The following CDK19 variants were observed in gnomAD, a reference collection of about 807,000 sequenced individuals.
CDK19 encodes the protein cyclin dependent kinase 19.
Under a neutral mutation model 68.3 loss-of-function variants are expected in CDK19, and 20 were observed. That is an observed-to-expected ratio of 0.29 (90% confidence interval 0.21 to 0.43). The LOEUF is 0.43. Among genes scored for constraint, CDK19 ranks in the 20% least tolerant of loss-of-function variants. The pLI is 1.00. For missense variants in CDK19, 339 were observed against 623.5 expected (o/e 0.54, Z 4.86); for synonymous variants, 221 against 222.8 (o/e 0.99, Z 0.07).
chr6:110,659,463 A>C (rs1365280374), intron 4 of CDK19, among the ~76,000 whole-genome samples: 1 of 152,240 alleles, frequency 6.6e-6, no homozygotes, highest in Admixed American at 6.5e-5. Flanking sequence ...GCTAGCTGTT[A>C]CAATTCAGCA....
intron 12 of CDK19, among the ~76,000 whole-genome samples, chr6:110,615,337 T>G (rs886250436): frequency 6.6e-6 from 1 of 152,182 alleles, no homozygotes; most frequent in Admixed American, 6.5e-5. Context: ...AATGAAACCT[T>G]CATCTTCATA....
rs772621624 is a variant in CDK19, at chr6:110,746,180, T to G, written c.150A>C (p.Ala50=). The part of the protein sequence containing the change: ...RKDGKDEKEY[A]LKQIEGTGIS... The stretch of plus-strand genomic sequence containing the variant: ...TTCCTGTGCCTTCAATTTGCTTCAA[T>G]GCATATTCCTTTTCATCTTTTCTGC... Residue 50 remains alanine (A), a synonymous_variant, in exon 2 of 13, where the codon GCA becomes GCC. Coordinates refer to ENST00000368911, the MANE Select transcript of CDK19 (RefSeq NM_015076.5). 25 of 1,602,010 alleles carry G rather than the reference T, an allele frequency of 1.6e-5. No homozygotes were observed. The highest frequency in any genetic ancestry group is 2.1e-5 in the Non-Finnish European group (25 of 1,174,488).
At chr6:110,746,972 A>T (rs1393459616) in intron 1 of CDK19, among the ~76,000 whole-genome samples, 1 of 152,198 alleles carries the variant, frequency 6.6e-6, no homozygotes, top group Non-Finnish European at 1.5e-5. Flanking sequence ...AAGCATTCTC[A>T]AGGGTGCTGA....
At chr6:110,692,446 A>AG (rs1281297820) in intron 2 of CDK19, among the ~76,000 whole-genome samples, 1 of 152,158 alleles carries the variant, frequency 6.6e-6, no homozygotes, top group Non-Finnish European at 1.5e-5. Context: ...GAAAAAAAAA[A>AG]GAATTTGAAA....
At chr6:110,673,712 G>GT (rs1219957274) in intron 2 of CDK19, among the ~76,000 whole-genome samples, 2 of 151,856 alleles carry the variant, frequency 1.3e-5, no homozygotes, top group Non-Finnish European at 2.9e-5. Flanking sequence ...AAGTGATTTG[G>GT]TATAAAAGAA....
intron 9 of CDK19, 119 bp from the exon 10 acceptor site, chr6:110,623,031 C>A: frequency 1.4e-6 from 1 of 737,344 alleles, no homozygotes; most frequent in Middle Eastern, 2.3e-4. Flanking sequence ...TAGCTCACTG[C>A]AGATTATGCA....
chr6:110,715,792 C>T (rs1053776121), intron 2 of CDK19, among the ~76,000 whole-genome samples: 5 of 152,140 alleles, frequency 3.3e-5, no homozygotes, highest in South Asian at 2.1e-4. Flanking sequence ...CTGCCATCTT[C>T]GGCAGAAACT....
At chr6:110,814,868 T>A (rs1350755832) in intron 1 of CDK19, 141 bp downstream of exon 1, 1 of 1,104,410 alleles carries the variant, frequency 9.1e-7, no homozygotes, top group Non-Finnish European at 1.3e-6. Context: ...CCCCTCGGAG[T>A]CGGTGTCCGG....
intron 2 of CDK19, 174 bp from the exon 3 acceptor site, chr6:110,670,715 T>C (rs1375616099): frequency 1.1e-5 from 7 of 656,608 alleles, no homozygotes; most frequent in Non-Finnish European, 1.9e-5. Flanking sequence ...TCTGTCAATA[T>C]CTTGGTGCAT....
chr6:110,621,828 CAG>C lies in CDK19; in HGVS notation c.1110+258_1110+259del, dbSNP rs900239837. Among the ~76,000 whole-genome samples the C allele has an allele frequency of 3.3e-5, 5 of 152,106 alleles. No individual in the cohort carries two copies. Among genetic ancestry groups the C allele is most frequent in the African/African-American group, 1.2e-4 (5 of 41,400 alleles). ...AGGGGTGGTAGTGACACCAAACAAA[CAG>C]AAAGAGCAAGAAGTGGGAATCCGGG... On this transcript the variant is annotated intron_variant, in intron 11 of 12. Coordinates refer to ENST00000368911, the MANE Select transcript of CDK19 (RefSeq NM_015076.5). This position sits in a 1 kb window ranked among gnomAD's most constrained non-coding sequence, Gnocchi z 5.4.
chr6:110,704,111 G>C (rs2114652663), intron 2 of CDK19, among the ~76,000 whole-genome samples: 1 of 152,302 alleles, frequency 6.6e-6, no homozygotes, highest in Non-Finnish European at 1.5e-5. Flanking sequence ...CAAAGGATGT[G>C]TTTGTTCTGA....
At position 110,786,814 on chromosome 6, in the gene CDK19, A is replaced by G. The variant is rs1445086103; in HGVS notation, c.128+28195T>C. 3.3e-5 allele frequency among the ~76,000 whole-genome samples: 5 copies of G among 152,096 alleles called. No homozygotes were observed. In the East Asian group the frequency reaches 5.9e-4, roughly 18 times the overall value. ...AACAAAGCATTGATGGAACCAATCA[A>G]GATAAAGGGTTCTCATTGTCCAGAC... is the stretch of plus-strand genomic sequence containing the variant. On this transcript the variant is annotated intron_variant, in intron 1 of 12. Transcript: ENST00000368911.
intron 6 of CDK19, among the ~76,000 whole-genome samples, chr6:110,630,420 C>T (rs904544998): frequency 6.6e-6 from 1 of 152,200 alleles, no homozygotes; most frequent in Non-Finnish European, 1.5e-5. Flanking sequence ...CAGTCTCTTC[C>T]TATCCTCTGG....
intron 2 of CDK19, among the ~76,000 whole-genome samples, chr6:110,736,430 A>G (rs1023609327): frequency 1.3e-5 from 2 of 152,220 alleles, no homozygotes; most frequent in Non-Finnish European, 2.9e-5. Flanking sequence ...GATGTACAGG[A>G]TAATAGTGGA....
chr6:110,704,553 G>A (rs1177422943), intron 2 of CDK19, among the ~76,000 whole-genome samples: 1 of 152,068 alleles, frequency 6.6e-6, no homozygotes, highest in East Asian at 1.9e-4. Flanking sequence ...TTGGAAGTCA[G>A]CAAATGATCT....
chr6:110,769,442 G>A (rs1779839552), intron 1 of CDK19, among the ~76,000 whole-genome samples: 2 of 151,558 alleles, frequency 1.3e-5, no homozygotes, highest in Non-Finnish European at 2.9e-5. Flanking sequence ...GTACATGCCT[G>A]TAATCCCAGC....
intron 1 of CDK19, among the ~76,000 whole-genome samples, chr6:110,796,331 G>A (rs1055604533): frequency 7.3e-5 from 11 of 151,710 alleles, no homozygotes; most frequent in African/African-American, 2.4e-4. Context: ...GTGAGATTCC[G>A]TCAAACAAAC....
In CDK19 at chr6:110,774,642, A is replaced by C. The variant is rs115482889; in HGVS notation, c.129-28441T>G. On this transcript the variant is annotated intron_variant, in intron 1 of 12. Transcript: ENST00000368911. ...CAAAACCACAGATAAAGGGACAATT[A>C]TATAAAGAATATAAAACAAATTAAA... Among the ~76,000 whole-genome samples, 788 of 152,348 alleles carry C rather than the reference A, an allele frequency of 5.2e-3. 6 individuals carry two copies. The highest frequency in any genetic ancestry group is 0.018 in the African/African-American group (766 of 41,584).
intron 1 of CDK19, among the ~76,000 whole-genome samples, chr6:110,771,955 TATC>T (rs1399850833): frequency 6.6e-6 from 1 of 152,314 alleles, no homozygotes; most frequent in East Asian, 1.9e-4. Flanking sequence ...ACCTTGTCCT[TATC>T]ACTATCAGCA....
Sources: allele counts gnomAD v4.1 joint callset (sites outside exome capture counted in the v4.1 genomes callset), GRCh38; gene constraint gnomAD v4.1.1; non-coding constraint Gnocchi (gnomAD v3.1); transcripts MANE v1.5; gene names NCBI Gene and HGNC (gene_info 2026-07-23, HGNC 2026-07-21).